CHL1: variants seen among roughly 807,000 people sequenced by gnomAD.
CHL1 encodes neural cell adhesion molecule L1-like protein.
A neutral mutation model predicts 141.9 loss-of-function variants in CHL1; 96 were observed. That is an observed-to-expected ratio of 0.68 (90% CI 0.57 to 0.80). The LOEUF is 0.80. Among genes scored for constraint, CHL1 ranks in the 30% least tolerant of loss-of-function variants. CHL1 has a pLI of 0.00. For synonymous variants in CHL1, 613 were observed against 502.2 expected, an observed-to-expected ratio of 1.22 and a Z score of -2.95; for missense variants, 1,820 against 1,457.2, an observed-to-expected ratio of 1.25 and a Z score of -4.05.
chr3:309,205 G>T (rs1022241616), intron 2 of CHL1: 1 of 152,614 alleles, frequency 6.6e-6, no homozygotes, highest in African/African-American at 2.4e-5. Context: ...ATGCGGCGAG[G>T]GCCCGCCTTA....
intron 5 of CHL1, among the ~76,000 whole-genome samples, chr3:338,226 T>C (rs1395287428): frequency 6.6e-6 from 1 of 152,248 alleles, no homozygotes; most frequent in East Asian, 1.9e-4. Context: ...CCAGTCTTGT[T>C]GAAACAAAGT....
Position 391,814 on chromosome 3 carries a change from A to G in CHL1, c.2914+17A>G. On this transcript the variant is annotated intron_variant, in intron 23 of 27. Transcript: ENST00000256509. ...ATCAGATAAGTAAGTAGAAATTTGA[A>G]TTGGAGTTAACTTGTTAATGTTTCA... 1 of 1,566,984 alleles carries G rather than the reference A, an allele frequency of 6.4e-7. No individual in the cohort carries two copies. Among genetic ancestry groups the G allele is most frequent in the Non-Finnish European group, 8.7e-7 (1 of 1,153,712 alleles).
intron 9 of CHL1, among the ~76,000 whole-genome samples, chr3:346,632 T>A (rs780453829): frequency 6.6e-6 from 1 of 152,324 alleles, no homozygotes. Flanking sequence ...TATATGTTGT[T>A]GTGAGGACAT....
chr3:329,774 C>A (rs1221874138), intron 5 of CHL1, among the ~76,000 whole-genome samples: 2 of 151,900 alleles, frequency 1.3e-5, no homozygotes, highest in Non-Finnish European at 2.9e-5. Flanking sequence ...ATATCCCAGA[C>A]AAATGCTTTC....
chr3:208,703 T>G (rs1192085523), intron 1 of CHL1, among the ~76,000 whole-genome samples: 1 of 152,172 alleles, frequency 6.6e-6, no homozygotes, highest in Non-Finnish European at 1.5e-5. Context: ...TGTACCTGCG[T>G]GAGGGTGGGG....
chr3:336,396 T>C (rs1287456099), intron 5 of CHL1, among the ~76,000 whole-genome samples: 1 of 152,162 alleles, frequency 6.6e-6, no homozygotes, highest in Non-Finnish European at 1.5e-5. Context: ...CAGTGGTTAG[T>C]TAGCATGAAT....
chr3:297,922 A>G (rs1306103794), intron 2 of CHL1, among the ~76,000 whole-genome samples: 1 of 152,224 alleles, frequency 6.6e-6, no homozygotes, highest in East Asian at 1.9e-4. Context: ...AGAGCTGGAT[A>G]AGGCTTCAAA....
intron 2 of CHL1, among the ~76,000 whole-genome samples, chr3:268,871 A>G (rs901513764): frequency 2.0e-5 from 3 of 152,222 alleles, no homozygotes; most frequent in Non-Finnish European, 4.4e-5. Context: ...TCGAGAATAC[A>G]GGGTTAAAGG....
intron 2 of CHL1, among the ~76,000 whole-genome samples, chr3:259,606 A>G (rs183470154): frequency 7.9e-5 from 12 of 151,964 alleles, no homozygotes; most frequent in African/African-American, 2.2e-4. Flanking sequence ...ATTCCTTGCT[A>G]TCTGCTTTAC....
At chr3:239,580 A>G (rs1277876173) in intron 1 of CHL1, among the ~76,000 whole-genome samples, 1 of 112,836 alleles carries the variant, frequency 8.9e-6, no homozygotes, top group East Asian at 2.6e-4. Context: ...TAATTCATCT[A>G]AACAGTATAT....
At position 391,706 on chromosome 3, in the gene CHL1, C is replaced by G. The variant is rs759968427; in HGVS notation, c.2823C>G (p.Ile941Met). 1 of 1,605,514 alleles carries G rather than the reference C, an allele frequency of 6.2e-7. No homozygotes were observed. The highest frequency in any genetic ancestry group is 2.2e-5 in the East Asian group (1 of 44,624). ...VPEQPTFLKV[I>M]KVDKDTATLS... is the part of the protein sequence containing the mutation. ...AACAGCCAACTTTTCTAAAGGTCAT[C>G]AAAGTTGATAAAGACACTGCCACTT... The change falls in exon 23 of 28, where the codon ATC becomes ATG. Residue 941 changes from isoleucine (I) to methionine (M), a missense_variant. Coordinates refer to ENST00000256509, the MANE Select transcript of CHL1 (RefSeq NM_006614.4).
chr3:348,873 C>T (rs1379514200), intron 9 of CHL1, among the ~76,000 whole-genome samples: 1 of 152,204 alleles, frequency 6.6e-6, no homozygotes, highest in Non-Finnish European at 1.5e-5. Context: ...CCCCATTCTC[C>T]ATGATCAGCA....
intron 1 of CHL1, among the ~76,000 whole-genome samples, chr3:208,745 A>G (rs1361297684): frequency 6.6e-6 from 1 of 151,978 alleles, no homozygotes; most frequent in Non-Finnish European, 1.5e-5. Context: ...CGAAGTGGAA[A>G]ATGGAGGTAA....
chr3:381,464 G>A (rs924094673), intron 16 of CHL1, among the ~76,000 whole-genome samples: 4 of 152,306 alleles, frequency 2.6e-5, no homozygotes, highest in Middle Eastern at 3.4e-3. Flanking sequence ...CCAGTGGCTT[G>A]CAGGTGAAGG....
At chr3:241,657 C>T (rs1692578433) in intron 1 of CHL1, among the ~76,000 whole-genome samples, 1 of 150,144 alleles carries the variant, frequency 6.7e-6, no homozygotes, top group African/African-American at 2.4e-5. Flanking sequence ...ACTATATTTT[C>T]TTTCAGTCAT....
chr3:278,824 G>A (rs576370715), intron 2 of CHL1, among the ~76,000 whole-genome samples: 1 of 152,296 alleles, frequency 6.6e-6, no homozygotes, highest in Non-Finnish European at 1.5e-5. Flanking sequence ...AGGAAGCAAC[G>A]TTTTAGTTTC....
chr3:283,859 G>A (rs973174644), intron 2 of CHL1, among the ~76,000 whole-genome samples: 3 of 152,018 alleles, frequency 2.0e-5, no homozygotes, highest in Non-Finnish European at 4.4e-5. Context: ...GAGAACAGCT[G>A]GTATAAAAGC....
chr3:374,932 A>G (rs1197336927), intron 15 of CHL1, among the ~76,000 whole-genome samples: 1 of 152,220 alleles, frequency 6.6e-6, no homozygotes, highest in African/African-American at 2.4e-5. Context: ...TACATGGTGA[A>G]CAATGAGAAG....
In CHL1 at chr3:395,214, G is replaced by C. The variant is rs373397283; in HGVS notation, c.3094+342G>C. ...TTAGTAAAGGTACGTTTTTCTTTTA[G>C]AAATGTTTCCATACAGAAAAATATT... On this transcript the variant is annotated intron_variant, in intron 24 of 27. Coordinates refer to ENST00000256509, the MANE Select transcript of CHL1 (RefSeq NM_006614.4). Among the ~76,000 whole-genome samples, 774 of 152,258 alleles carry C rather than the reference G, an allele frequency of 5.1e-3. 7 individuals carry two copies. The highest frequency in any genetic ancestry group is 5.4e-3 in the Non-Finnish European group (367 of 68,004).
Sources: allele counts gnomAD v4.1 joint callset (sites outside exome capture counted in the v4.1 genomes callset), GRCh38; gene constraint gnomAD v4.1.1; transcripts MANE v1.5; gene names NCBI Gene and HGNC (gene_info 2026-07-23, HGNC 2026-07-21).